The following LARGE1 variants were observed in gnomAD, a reference collection of about 807,000 sequenced individuals.
LARGE1 encodes the protein xylosyl- and glucuronyltransferase LARGE1.
Under a neutral mutation model 87.6 loss-of-function variants are expected in LARGE1, and 43 were observed. The observed-to-expected ratio is 0.49, with a 90% confidence interval of 0.38 to 0.63. The LOEUF is 0.63. Among genes scored for constraint, LARGE1 ranks in the 30% least tolerant of loss-of-function variants. The pLI is 0.00. For synonymous variants in LARGE1, 434 were observed against 394.6 expected, an observed-to-expected ratio of 1.10 and a Z score of -1.18; for missense variants, 802 against 1,000.2, an observed-to-expected ratio of 0.80 and a Z score of 2.67.
chr22:33,903,384 G>A (rs773720996), intron 1 of LARGE1, among the ~76,000 whole-genome samples: 4 of 152,042 alleles, frequency 2.6e-5, no homozygotes, highest in Non-Finnish European at 5.9e-5. Flanking sequence ...CACAGTCTAT[G>A]GTACTTTGTT....
At chr22:33,688,723 C>G (rs1007325578) in intron 2 of LARGE1, among the ~76,000 whole-genome samples, 1 of 152,132 alleles carries the variant, frequency 6.6e-6, no homozygotes, top group Non-Finnish European at 1.5e-5. Flanking sequence ...ATCATCCTTT[C>G]TCTCCAGATC....
chr22:33,544,793 A>G (rs142997111), intron 6 of LARGE1, among the ~76,000 whole-genome samples: 1 of 152,160 alleles, frequency 6.6e-6, no homozygotes, highest in Non-Finnish European at 1.5e-5. Flanking sequence ...TTGGGTCACA[A>G]ATCTGCCCTA....
chr22:33,876,661 G>A (rs1409592845), intron 1 of LARGE1, among the ~76,000 whole-genome samples: 3 of 151,598 alleles, frequency 2.0e-5, no homozygotes, highest in Non-Finnish European at 2.9e-5. Context: ...GCGGGGGTGC[G>A]GGGCTAGGGG....
intron 11 of LARGE1, among the ~76,000 whole-genome samples, chr22:33,258,055 G>A (rs113657367): frequency 0.022 from 3,408 of 152,196 alleles, 147 homozygotes; most frequent in African/African-American, 0.079. Flanking sequence ...AGACTACAGA[G>A]TCCTGCTCTG....
intron 11 of LARGE1, among the ~76,000 whole-genome samples, chr22:33,185,255 A>C (rs1923414735): frequency 6.6e-6 from 1 of 152,206 alleles, no homozygotes; most frequent in Admixed American, 6.5e-5. Flanking sequence ...ATAAAAAGAC[A>C]CGGAGAAAAT....
chr22:33,245,677 G>A (rs911044131), intron 11 of LARGE1, among the ~76,000 whole-genome samples: 14 of 152,226 alleles, frequency 9.2e-5, no homozygotes, highest in African/African-American at 2.7e-4. Context: ...GGGAGGCTGA[G>A]GTGCACAGAT....
intron 1 of LARGE1, among the ~76,000 whole-genome samples, chr22:33,853,220 C>CTGCA (rs2063662552): frequency 6.6e-6 from 1 of 152,136 alleles, no homozygotes; most frequent in Admixed American, 6.5e-5. Context: ...GAACGTGGGT[C>CTGCA]TGCAGATTCC....
chr22:33,277,021 C>G (rs1453789777), intron 14 of LARGE1, 39 bp downstream of exon 14: 14 of 1,594,982 alleles, frequency 8.8e-6, no homozygotes, highest in East Asian at 2.2e-5. Flanking sequence ...AGGCCTCTCC[C>G]CCGTCGACCA....
At chr22:33,877,589 A>G (rs2064507448) in intron 1 of LARGE1, among the ~76,000 whole-genome samples, 1 of 152,138 alleles carries the variant, frequency 6.6e-6, no homozygotes, top group South Asian at 2.1e-4. Flanking sequence ...ATACTACAGA[A>G]CACTTGAAAT....
At position 33,512,447 on chromosome 22, in the gene LARGE1, C is replaced by T. The variant is rs140680984; in HGVS notation, c.787+52401G>A. Among the ~76,000 whole-genome samples the T allele has an allele frequency of 2.5e-4, 38 of 152,200 alleles. 1 individual carries two copies. The East Asian group carries it at 5.8e-3, about 23-fold the overall frequency. Reference sequence around the variant, plus strand: ...AAATAAAAGGCAGAAGTCAGAATTACATATAGGAGGAAAACAACAGTCTTT... The same window carrying T: ...AAATAAAAGGCAGAAGTCAGAATTATATATAGGAGGAAAACAACAGTCTTT... On this transcript the variant is annotated intron_variant, in intron 6 of 14. Transcript: ENST00000397394.
Position 33,432,562 on chromosome 22 carries a change from A to ATCAT in LARGE1, c.788-301_788-298dup, listed in dbSNP as rs10626676. ...GAATCTGATAAAGCTAGAATCCCAA[A>ATCAT]TCATTCATTCATTCATTCATTCATT... On this transcript the variant is annotated intron_variant, in intron 6 of 14. Coordinates refer to ENST00000397394, the MANE Select transcript of LARGE1 (RefSeq NM_133642.5). Among the ~76,000 whole-genome samples the ATCAT allele has an allele frequency of 0.037, 5,582 of 150,390 alleles. 119 individuals carry two copies. The highest frequency in any genetic ancestry group is 0.083 in the Middle Eastern group (24 of 290).
chr22:33,382,647 C>T (rs1324328313), intron 8 of LARGE1, among the ~76,000 whole-genome samples: 2 of 152,188 alleles, frequency 1.3e-5, no homozygotes, highest in Non-Finnish European at 2.9e-5. Flanking sequence ...CTTCTCCAAG[C>T]TGTTGCACCA....
At chr22:33,645,818 C>A (rs907697848) in intron 3 of LARGE1, among the ~76,000 whole-genome samples, 4 of 152,158 alleles carry the variant, frequency 2.6e-5, no homozygotes, top group Non-Finnish European at 5.9e-5. Context: ...GACACTTATA[C>A]GGCCAACAAA....
At chr22:33,557,604 C>T (rs769431813) in intron 6 of LARGE1, among the ~76,000 whole-genome samples, 1 of 152,154 alleles carries the variant, frequency 6.6e-6, no homozygotes, top group Non-Finnish European at 1.5e-5. Flanking sequence ...CTCGCTCTGT[C>T]GCCCAGGCTG....
At chr22:33,854,279 G>C (rs1311033021) in intron 1 of LARGE1, among the ~76,000 whole-genome samples, 1 of 149,530 alleles carries the variant, frequency 6.7e-6, no homozygotes, top group Non-Finnish European at 1.5e-5. Context: ...GCCATGACAG[G>C]CTGCTTTGTT....
intron 7 of LARGE1, among the ~76,000 whole-genome samples, chr22:33,393,914 T>C (rs558996172): frequency 1.3e-4 from 20 of 152,338 alleles, no homozygotes; most frequent in Middle Eastern, 3.4e-3. Flanking sequence ...GAACATCTGG[T>C]CAAGTAGCAG....
chr22:33,445,019 G>A (rs764864166), intron 6 of LARGE1, among the ~76,000 whole-genome samples: 13 of 152,090 alleles, frequency 8.5e-5, no homozygotes, highest in Non-Finnish European at 1.3e-4. Flanking sequence ...TGGTAGAGAC[G>A]CGGTTTCGCC....
intron 10 of LARGE1, among the ~76,000 whole-genome samples, chr22:33,318,513 T>C (rs1010447481): frequency 3.3e-5 from 5 of 152,142 alleles, no homozygotes; most frequent in Non-Finnish European, 1.5e-5. Flanking sequence ...TCTATCACTG[T>C]TGGACATTTG....
chr22:33,416,710 T>A (rs2066501322), intron 7 of LARGE1, among the ~76,000 whole-genome samples: 1 of 151,922 alleles, frequency 6.6e-6, no homozygotes, highest in African/African-American at 2.4e-5. Context: ...TTCAGGCGAT[T>A]TTCTTACCTC....
Sources: allele counts gnomAD v4.1 joint callset (sites outside exome capture counted in the v4.1 genomes callset), GRCh38; gene constraint gnomAD v4.1.1; transcripts MANE v1.5; gene names NCBI Gene and HGNC (gene_info 2026-07-23, HGNC 2026-07-21).